PTPRT: variants seen among roughly 807,000 people sequenced by gnomAD.
PTPRT encodes the protein receptor-type tyrosine-protein phosphatase T.
PTPRT carries 56 observed loss-of-function variants against 176.8 expected under a neutral mutation model. That is an observed-to-expected ratio of 0.32 (90% CI 0.26 to 0.40). The LOEUF is 0.40. Ranked by LOEUF, PTPRT falls within the 10% of genes least tolerant of loss-of-function variation. The pLI, the probability that PTPRT is intolerant of heterozygous loss-of-function variation, is 1.00. For missense variants in PTPRT, 1,540 were observed against 1,908.2 expected (o/e 0.81, Z 3.60); for synonymous variants, 783 against 739.0 (o/e 1.06, Z -0.96).
In PTPRT at chr20:42,529,215, T is replaced by A. The variant is rs62205785; in HGVS notation, c.1154-56653A>T. ...ATCCTCAAAAATGGTGTAGGGAATA[T>A]AATTTCTGAGTTCAAAAAGATGTTA... On this transcript the variant is annotated intron_variant, in intron 7 of 30. Transcript: ENST00000373187. 7.8e-3 allele frequency among the ~76,000 whole-genome samples: 1,192 copies of A among 152,228 alleles called. 11 individuals are homozygous for A. The highest frequency in any genetic ancestry group is 0.014 in the Middle Eastern group (4 of 294).
intron 1 of PTPRT, among the ~76,000 whole-genome samples, chr20:42,970,049 C>T (rs764844112): frequency 6.6e-6 from 1 of 152,078 alleles, no homozygotes; most frequent in Non-Finnish European, 1.5e-5. Flanking sequence ...AGCCTTGCTC[C>T]AGAGCTGGCC....
intron 1 of PTPRT, among the ~76,000 whole-genome samples, chr20:43,014,539 C>A (rs1032713091): frequency 1.3e-5 from 2 of 152,108 alleles, no homozygotes; most frequent in African/African-American, 4.8e-5. Flanking sequence ...CATGACCAGA[C>A]GAGGAGAATT....
At chr20:42,915,579 C>T (rs886289812) in intron 1 of PTPRT, among the ~76,000 whole-genome samples, 2 of 152,158 alleles carry the variant, frequency 1.3e-5, no homozygotes, top group African/African-American at 2.4e-5. Flanking sequence ...AGGTGAATCA[C>T]GGCTACTCAG....
At chr20:43,130,329 C>T (rs1212414116) in intron 1 of PTPRT, among the ~76,000 whole-genome samples, 1 of 152,094 alleles carries the variant, frequency 6.6e-6, no homozygotes, top group African/African-American at 2.4e-5. Flanking sequence ...TTTTCCCTTA[C>T]CCCACCCCCT....
intron 9 of PTPRT, among the ~76,000 whole-genome samples, chr20:42,387,777 AG>A (rs1170029357): frequency 6.6e-6 from 1 of 150,982 alleles, no homozygotes; most frequent in Non-Finnish European, 1.5e-5. Flanking sequence ...GTTAGAGTTC[AG>A]GGATGCTAAT....
At chr20:42,884,811 G>T (rs2145867306) in intron 2 of PTPRT, among the ~76,000 whole-genome samples, 1 of 152,304 alleles carries the variant, frequency 6.6e-6, no homozygotes, top group African/African-American at 2.4e-5. Flanking sequence ...ACAAGCAGTT[G>T]TCTTTACAAC....
intron 13 of PTPRT, chr20:42,270,363 T>TGCCCC: frequency 7.5e-7 from 1 of 1,332,718 alleles, no homozygotes; most frequent in South Asian, 1.3e-5. Context: ...TGGGCAACTC[T>TGCCCC]CCCCTCCCAC....
chr20:42,196,225 A>T (rs1030892801), intron 16 of PTPRT, among the ~76,000 whole-genome samples: 4 of 152,206 alleles, frequency 2.6e-5, no homozygotes, highest in African/African-American at 9.7e-5. Flanking sequence ...CAGTATTTTC[A>T]ATCAGATGAA....
chr20:42,866,593 T>C (rs77857572), intron 2 of PTPRT, among the ~76,000 whole-genome samples: 2,426 of 152,298 alleles, frequency 0.016, 61 homozygotes, highest in African/African-American at 0.056. Flanking sequence ...TCCTAAAAGA[T>C]AAATCTGATC....
chr20:43,167,537 C>T (rs187723943), intron 1 of PTPRT, among the ~76,000 whole-genome samples: 6 of 152,306 alleles, frequency 3.9e-5, no homozygotes, highest in East Asian at 1.9e-4. Flanking sequence ...CTTATATAAT[C>T]CCTTCCCCTT....
At chr20:42,176,638 A>G (rs1883378) in intron 16 of PTPRT, among the ~76,000 whole-genome samples, 91,403 of 152,078 alleles carry the variant, frequency 0.6, 27,962 homozygotes, top group African/African-American at 0.7. Context: ...GAAAATACAG[A>G]CTGCTCCTAT....
intron 9 of PTPRT, among the ~76,000 whole-genome samples, chr20:42,404,069 G>A (rs893583971): frequency 2.0e-5 from 3 of 152,042 alleles, no homozygotes; most frequent in Admixed American, 6.6e-5. Flanking sequence ...ATTCAGACCC[G>A]TTCACCCAAG....
chr20:43,160,934 C>T (rs1052571676), intron 1 of PTPRT, among the ~76,000 whole-genome samples: 7 of 140,608 alleles, frequency 5.0e-5, no homozygotes, highest in Non-Finnish European at 7.8e-5. Flanking sequence ...AAAAAAAAAA[C>T]GTAGAGACAA....
intron 6 of PTPRT, among the ~76,000 whole-genome samples, chr20:42,713,843 G>T (rs1189962426): frequency 6.6e-5 from 10 of 152,246 alleles, no homozygotes; most frequent in African/African-American, 2.2e-4. Context: ...TCTTCCTCCA[G>T]TTCGGGCCAT....
intron 5 of PTPRT, among the ~76,000 whole-genome samples, chr20:42,768,552 G>A (rs1482758206): frequency 1.3e-5 from 2 of 152,202 alleles, no homozygotes; most frequent in East Asian, 3.8e-4. Flanking sequence ...ATTGTGAACT[G>A]TGTATCTGAC....
intron 7 of PTPRT, among the ~76,000 whole-genome samples, chr20:42,562,233 C>T (rs1229564753): frequency 2.0e-5 from 3 of 152,220 alleles, no homozygotes; most frequent in African/African-American, 7.2e-5. Context: ...TTCCAGCCCT[C>T]CAGAATTATC....
intron 7 of PTPRT, among the ~76,000 whole-genome samples, chr20:42,622,500 A>C (rs2074217346): frequency 6.6e-6 from 1 of 152,122 alleles, no homozygotes; most frequent in Non-Finnish European, 1.5e-5. Flanking sequence ...TTGACTTCCC[A>C]AAGTGCTGGC....
intron 10 of PTPRT, among the ~76,000 whole-genome samples, chr20:42,351,333 G>A (rs755354703): frequency 9.2e-5 from 14 of 152,060 alleles, no homozygotes; most frequent in Non-Finnish European, 1.3e-4. Context: ...TTATTGAAGC[G>A]TTATTTTGTA....
At chr20:42,718,352 A>G (rs1466729744) in intron 6 of PTPRT, among the ~76,000 whole-genome samples, 4 of 152,190 alleles carry the variant, frequency 2.6e-5, no homozygotes, top group African/African-American at 9.7e-5. Flanking sequence ...ACTGGCTAAC[A>G]CGGTGAAACC....
Sources: gnomAD v4.1 joint callset for allele counts (sites outside exome capture counted in the v4.1 genomes callset) on GRCh38, gnomAD v4.1.1 for gene constraint, MANE v1.5 for transcripts, NCBI Gene and HGNC (gene_info 2026-07-23, HGNC 2026-07-21) for gene names.